The following PLPP4 variants were observed in gnomAD, a reference collection of about 807,000 sequenced individuals.
The protein encoded by PLPP4 is diacylglycerol pyrophosphate like 2.
In PLPP4, 20 loss-of-function variants were observed where a neutral mutation model predicts 32.2. The ratio of observed to expected loss-of-function variants is 0.62; its 90% CI spans 0.44 to 0.90. PLPP4 has a LOEUF of 0.90. PLPP4 is among the 40% of genes least tolerant of loss of function. The pLI, the probability that PLPP4 is intolerant of heterozygous loss-of-function variation, is 0.00. For missense variants in PLPP4, 257 were observed against 353.1 expected (o/e 0.73, Z 2.18); for synonymous variants, 127 against 133.0 (o/e 0.95, Z 0.31).
intron 5 of PLPP4, among the ~76,000 whole-genome samples, chr10:120,548,598 A>C (rs1289717354): frequency 1.3e-5 from 2 of 152,150 alleles, no homozygotes; most frequent in Non-Finnish European, 2.9e-5. Context: ...ACATCCAATA[A>C]TGGGATTGCT....
chr10:120,550,088 C>A (rs992041667), intron 5 of PLPP4, among the ~76,000 whole-genome samples: 1 of 151,806 alleles, frequency 6.6e-6, no homozygotes, highest in African/African-American at 2.4e-5. Flanking sequence ...CTAAGATCTA[C>A]AAAATGTATT....
chr10:120,476,809 G>A (rs527966424), intron 1 of PLPP4, among the ~76,000 whole-genome samples: 1 of 152,284 alleles, frequency 6.6e-6, no homozygotes, highest in East Asian at 1.9e-4. Flanking sequence ...ACAAATGCTA[G>A]CAGAGTAGTA....
chr10:120,462,479 C>T (rs1848100102), intron 1 of PLPP4, among the ~76,000 whole-genome samples: 1 of 152,194 alleles, frequency 6.6e-6, no homozygotes, highest in African/African-American at 2.4e-5. Context: ...TTCACAGCTC[C>T]CCAGGACAAG....
At chr10:120,476,593 T>G (rs1038312265) in intron 1 of PLPP4, among the ~76,000 whole-genome samples, 1 of 152,200 alleles carries the variant, frequency 6.6e-6, no homozygotes, top group African/African-American at 2.4e-5. Context: ...GCTTCCCACA[T>G]ACTGGCCCGC....
chr10:120,503,849 G>A lies in PLPP4; in HGVS notation c.88G>A (p.Val30Ile). ...AGAGTTTTTGGATCCGTTCCAGAGA[G>A]TCATCCAGCCAGAAGAGATCTGGCT... ...FTEFLDPFQRVIQPEEIWLYK... is the reference protein window; with the variant it reads ...FTEFLDPFQRIIQPEEIWLYK... Residue 30 changes from valine to isoleucine, a missense_variant, in exon 2 of 7, where the codon GTC becomes ATC. Val to Ile is a conservative substitution (Grantham distance 29). Coordinates refer to ENST00000398250, the MANE Select transcript of PLPP4 (RefSeq NM_001030059.3). The A allele has an allele frequency of 6.2e-7, 1 of 1,613,948 alleles. No homozygotes were observed. Among genetic ancestry groups the A allele is most frequent in the Non-Finnish European group, 8.5e-7 (1 of 1,179,860 alleles).
chr10:120,479,953 T>G (rs543931424), intron 1 of PLPP4, among the ~76,000 whole-genome samples: 2 of 152,372 alleles, frequency 1.3e-5, no homozygotes, highest in East Asian at 3.9e-4. Flanking sequence ...GATGGTATGC[T>G]CTCTAAAGCA....
intron 1 of PLPP4, among the ~76,000 whole-genome samples, chr10:120,471,135 T>G (rs1235890434): frequency 6.6e-6 from 1 of 152,238 alleles, no homozygotes; most frequent in Non-Finnish European, 1.5e-5. Context: ...TTAAAAGAAG[T>G]TAGCCATGCT....
At position 120,532,448 on chromosome 10, in the gene PLPP4, T is replaced by A. The variant is rs1357009185; in HGVS notation, c.445+11353T>A. Among the ~76,000 whole-genome samples, 4 of 152,144 alleles carry A rather than the reference T, an allele frequency of 2.6e-5. 1 individual carries two copies. In the South Asian group the frequency reaches 8.3e-4, roughly 32 times the overall value. On this transcript the variant is annotated intron_variant, in intron 5 of 6. Coordinates refer to ENST00000398250, the MANE Select transcript of PLPP4 (RefSeq NM_001030059.3). Reference sequence around the variant, plus strand: ...AGACAAGATCTTTATTTAAATAAATTCATTTGAAATAAATTTCACATATGA... The same window carrying A: ...AGACAAGATCTTTATTTAAATAAATACATTTGAAATAAATTTCACATATGA...
chr10:120,506,411 C>A (rs1845491942), intron 2 of PLPP4, among the ~76,000 whole-genome samples: 1 of 152,094 alleles, frequency 6.6e-6, no homozygotes, highest in African/African-American at 2.4e-5. Flanking sequence ...TCTTTTAAAA[C>A]CTTCAGATGT....
chr10:120,569,063 A>G (rs538819428), intron 5 of PLPP4, among the ~76,000 whole-genome samples: 1 of 151,912 alleles, frequency 6.6e-6, no homozygotes, highest in East Asian at 1.9e-4. Context: ...ACATGGTGAA[A>G]CCCCAACTCT....
rs149204294 is a variant in PLPP4, at chr10:120,529,998, A to T, written c.445+8903A>T. The stretch of plus-strand genomic sequence containing the variant: ...TGCCTCTTTCTTTCAACTTTTTATT[A>T]TACAACATTTCAGGCATATGAAAGA... On this transcript the variant is annotated intron_variant, in intron 5 of 6. Coordinates refer to ENST00000398250, the MANE Select transcript of PLPP4 (RefSeq NM_001030059.3). Among the ~76,000 whole-genome samples, 800 of 152,310 alleles carry T rather than the reference A, an allele frequency of 5.3e-3. 12 individuals are homozygous for T. The highest frequency in any genetic ancestry group is 0.018 in the African/African-American group (746 of 41,560).
At position 120,521,013 on chromosome 10, in the gene PLPP4, G is replaced by C. The variant is rs771986023; in HGVS notation, c.363G>C (p.Val121=). Residue 121 remains valine, a synonymous_variant, in exon 5 of 7, where the codon GTG becomes GTC. Transcript: ENST00000398250. The part of the protein sequence containing the change: ...DFFYRCFPDG[V]MNSEMHCTGD... ...TTTACCGCTGCTTTCCAGATGGAGTGATGAACTCGGAAATGCATTGCACAG... is the reference window on the plus strand; with the variant it reads ...TTTACCGCTGCTTTCCAGATGGAGTCATGAACTCGGAAATGCATTGCACAG... The C allele has an allele frequency of 1.2e-6, 2 of 1,614,096 alleles. No individual in the cohort carries two copies. The highest frequency in any genetic ancestry group is 1.7e-6 in the Non-Finnish European group (2 of 1,180,014).
intron 2 of PLPP4, among the ~76,000 whole-genome samples, chr10:120,510,967 G>T (rs1353590793): frequency 6.6e-6 from 1 of 152,200 alleles, no homozygotes; most frequent in Non-Finnish European, 1.5e-5. Context: ...CAACTCTGGG[G>T]TGGGAACCAT....
At chr10:120,462,572 A>G (rs1476860493) in intron 1 of PLPP4, among the ~76,000 whole-genome samples, 1 of 152,184 alleles carries the variant, frequency 6.6e-6, no homozygotes, top group Non-Finnish European at 1.5e-5. Flanking sequence ...CCTTGGCACA[A>G]GCATGGTCGG....
chr10:120,529,216 CA>C (rs1564818686), intron 5 of PLPP4, among the ~76,000 whole-genome samples: 3 of 151,906 alleles, frequency 2.0e-5, no homozygotes, highest in South Asian at 4.1e-4. Context: ...GCATGTGTAA[CA>C]GGGGGTGCTA....
chr10:120,554,737 G>A (rs1030331998), intron 5 of PLPP4, among the ~76,000 whole-genome samples: 4 of 152,038 alleles, frequency 2.6e-5, no homozygotes, highest in African/African-American at 7.3e-5. Flanking sequence ...TTACGTGGCT[G>A]GAGTAGGAGG....
intron 1 of PLPP4, among the ~76,000 whole-genome samples, chr10:120,502,510 T>C: frequency 6.6e-6 from 1 of 152,128 alleles, no homozygotes; most frequent in Admixed American, 6.5e-5. Flanking sequence ...ACTTCTGTGG[T>C]CTCTGAGTGC....
intron 1 of PLPP4, among the ~76,000 whole-genome samples, chr10:120,498,470 G>C (rs1217582862): frequency 6.6e-6 from 1 of 152,128 alleles, no homozygotes; most frequent in East Asian, 1.9e-4. Flanking sequence ...AGAGTTCCAT[G>C]CCTCCTACTC....
intron 6 of PLPP4, chr10:120,581,439 C>G (rs1849504375): frequency 2.9e-6 from 1 of 348,576 alleles, no homozygotes; most frequent in African/African-American, 2.2e-5. Flanking sequence ...CCTTTAGAGC[C>G]TGCGTTAGCA....
Sources: allele counts gnomAD v4.1 joint callset (sites outside exome capture counted in the v4.1 genomes callset), GRCh38; gene constraint gnomAD v4.1.1; transcripts MANE v1.5; gene names NCBI Gene and HGNC (gene_info 2026-07-23, HGNC 2026-07-21).